RERG: variants seen among roughly 807,000 people sequenced by gnomAD.
RERG encodes RAS like estrogen regulated growth inhibitor.
Under a neutral mutation model 23.2 loss-of-function variants are expected in RERG, and 25 were observed. The ratio of observed to expected loss-of-function variants is 1.08; its 90% CI spans 0.79 to 1.50. The LOEUF (loss-of-function observed/expected upper bound fraction) is 1.50. Ranked by LOEUF, RERG falls within the 40% of genes most tolerant of loss-of-function variation. RERG has a pLI of 0.00. For synonymous variants in RERG, 81 were observed against 89.1 expected (o/e 0.91, Z 0.51); for missense variants, 253 against 250.1 (o/e 1.01, Z -0.08).
intron 2 of RERG, among the ~76,000 whole-genome samples, chr12:15,188,950 A>G (rs900361779): frequency 1.3e-5 from 2 of 152,106 alleles, no homozygotes; most frequent in Non-Finnish European, 2.9e-5. Context: ...TGATTTCTTG[A>G]TCAGTCACCA....
intron 2 of RERG, among the ~76,000 whole-genome samples, chr12:15,130,995 G>A (rs1864036885): frequency 1.3e-5 from 2 of 152,084 alleles, no homozygotes; most frequent in South Asian, 4.1e-4. Context: ...GACACACGAT[G>A]AGGGGAAAAA....
At chr12:15,132,059 G>A (rs1411310933) in intron 2 of RERG, among the ~76,000 whole-genome samples, 1 of 152,126 alleles carries the variant, frequency 6.6e-6, no homozygotes, top group African/African-American at 2.4e-5. Flanking sequence ...TGTTTAGGAT[G>A]CTGGGAAGCC....
At chr12:15,131,745 C>T (rs1469378458) in intron 2 of RERG, among the ~76,000 whole-genome samples, 1 of 152,170 alleles carries the variant, frequency 6.6e-6, no homozygotes, top group Admixed American at 6.5e-5. Context: ...GTCCTTTTCT[C>T]TAGACTGATC....
At chr12:15,210,882 A>G (rs1193176406) in intron 2 of RERG, among the ~76,000 whole-genome samples, 1 of 152,190 alleles carries the variant, frequency 6.6e-6, no homozygotes, top group Non-Finnish European at 1.5e-5. Flanking sequence ...TTAGGACAAC[A>G]AAAAGGCTCC....
intron 2 of RERG, among the ~76,000 whole-genome samples, chr12:15,180,863 A>C (rs1224359216): frequency 1.3e-5 from 2 of 152,204 alleles, no homozygotes; most frequent in South Asian, 4.1e-4. Context: ...ACTGGGGAGT[A>C]AGACCACACA....
chr12:15,147,275 T>A (rs1237327334), intron 2 of RERG, among the ~76,000 whole-genome samples: 1 of 152,216 alleles, frequency 6.6e-6, no homozygotes, highest in Non-Finnish European at 1.5e-5. Context: ...ATCTAAATGA[T>A]TAAAATCCAG....
chr12:15,161,900 G>A (rs1864620786), intron 2 of RERG, among the ~76,000 whole-genome samples: 1 of 152,050 alleles, frequency 6.6e-6, no homozygotes, highest in Non-Finnish European at 1.5e-5. Flanking sequence ...CCATTTCACA[G>A]GTTTAAAAAT....
chr12:15,208,837 T>C (rs567222464), intron 2 of RERG, among the ~76,000 whole-genome samples: 1 of 152,146 alleles, frequency 6.6e-6, no homozygotes, highest in Non-Finnish European at 1.5e-5. Context: ...GATTTGATTA[T>C]TAAAACATTA....
intron 2 of RERG, among the ~76,000 whole-genome samples, chr12:15,147,076 A>G (rs1238911704): frequency 6.6e-6 from 1 of 152,150 alleles, no homozygotes; most frequent in Non-Finnish European, 1.5e-5. Flanking sequence ...CCAAAAAAAA[A>G]AAAAAAAATT....
intron 2 of RERG, among the ~76,000 whole-genome samples, chr12:15,177,250 C>T (rs932971790): frequency 2.0e-5 from 3 of 152,232 alleles, no homozygotes; most frequent in East Asian, 3.9e-4. Flanking sequence ...GTCAAGAGTT[C>T]GAGACCAGCC....
intron 2 of RERG, among the ~76,000 whole-genome samples, chr12:15,134,929 T>TC (rs1267110386): frequency 6.6e-6 from 1 of 152,180 alleles, no homozygotes; most frequent in East Asian, 1.9e-4. Context: ...AACTTTAGAA[T>TC]CAATTTGTTG....
At chr12:15,174,004 G>A (rs1318119302) in intron 2 of RERG, among the ~76,000 whole-genome samples, 1 of 151,796 alleles carries the variant, frequency 6.6e-6, no homozygotes, top group African/African-American at 2.4e-5. Context: ...CTTTACTAAT[G>A]CTCTTTATTT....
At chr12:15,142,019 T>A (rs989768910) in intron 2 of RERG, among the ~76,000 whole-genome samples, 6 of 152,206 alleles carry the variant, frequency 3.9e-5, no homozygotes, top group Non-Finnish European at 8.8e-5. Flanking sequence ...TTACTATTAG[T>A]TTTATTTGGT....
chr12:15,159,340 G>A (rs1864570197), intron 2 of RERG, among the ~76,000 whole-genome samples: 13 of 152,154 alleles, frequency 8.5e-5, no homozygotes, highest in Admixed American at 8.5e-4. Context: ...TGCATAATTT[G>A]CTGCCTTACT....
In RERG at chr12:15,108,127, G is replaced by C. The variant is rs1199814018; in HGVS notation, c.*983C>G. On this transcript the variant is annotated 3_prime_UTR_variant, in exon 5 of 5. Coordinates refer to ENST00000256953, the MANE Select transcript of RERG (RefSeq NM_032918.3). ...TTCTTTTCTGAATTCTCCTAAGTGA[G>C]TTAATGTATCCAAAATATCAAAATA... is the stretch of plus-strand genomic sequence containing the variant. The C allele has an allele frequency of 6.6e-6, 1 of 152,484 alleles. No individual in the cohort carries two copies. Among genetic ancestry groups the C allele is most frequent in the Non-Finnish European group, 1.5e-5 (1 of 68,010 alleles). 9.4% of individuals were successfully genotyped at this position (152,484 alleles called of 1,614,324 possible). A position where few individuals can be genotyped will look rare whatever the true frequency, so the allele number is the denominator to read the frequency against.
chr12:15,141,971 G>T (rs1055977178), intron 2 of RERG, among the ~76,000 whole-genome samples: 1 of 152,178 alleles, frequency 6.6e-6, no homozygotes, highest in Non-Finnish European at 1.5e-5. Context: ...GACACTGTAG[G>T]TCTAGAAGTA....
At chr12:15,117,672 C>T (rs1361859667) in intron 3 of RERG, among the ~76,000 whole-genome samples, 2 of 41,560 alleles carry the variant, frequency 4.8e-5, no homozygotes, top group East Asian at 4.4e-4. Context: ...CCATCACACA[C>T]GCGCACACAC....
intron 2 of RERG, among the ~76,000 whole-genome samples, chr12:15,135,268 T>C (rs1228797454): frequency 6.6e-6 from 1 of 152,220 alleles, no homozygotes; most frequent in Non-Finnish European, 1.5e-5. Flanking sequence ...ACCTGTATCC[T>C]GTAATCTTTC....
intron 2 of RERG, among the ~76,000 whole-genome samples, chr12:15,131,297 G>A (rs1252503108): frequency 2.0e-5 from 3 of 151,878 alleles, no homozygotes; most frequent in Non-Finnish European, 4.4e-5. Context: ...TATATAAGTT[G>A]AAAAATATTA....
Sources: allele counts gnomAD v4.1 joint callset (sites outside exome capture counted in the v4.1 genomes callset), GRCh38; gene constraint gnomAD v4.1.1; transcripts MANE v1.5; gene names NCBI Gene and HGNC (gene_info 2026-07-23, HGNC 2026-07-21).